Variants in SLC9A5 observed in about 807,000 individuals in gnomAD.
SLC9A5 encodes solute carrier family 9 member A5, also known as sodium/hydrogen exchanger 5.
A neutral mutation model predicts 91.7 loss-of-function variants in SLC9A5; 52 were observed. The ratio of observed to expected loss-of-function variants is 0.57; its 90% CI spans 0.45 to 0.71. The LOEUF (loss-of-function observed/expected upper bound fraction) is 0.71, where lower values mean the gene tolerates loss of function less well. Ranked by LOEUF, SLC9A5 falls within the 30% of genes least tolerant of loss-of-function variation. SLC9A5 has a pLI of 0.00. For synonymous variants in SLC9A5, 419 were observed against 474.5 expected (o/e 0.88, Z 1.52); for missense variants, 871 against 1,158.9 (o/e 0.75, Z 3.61).
chr16:67,259,525 G>A, intron 10 of SLC9A5, 48 bp from the exon 11 acceptor site: 2 of 1,393,262 alleles, frequency 1.4e-6, no homozygotes, highest in Non-Finnish European at 2.0e-6. Flanking sequence ...TGACTCCTGG[G>A]CAACCCTCCA....
chr16:67,268,682 A>ATATATG (rs2035811298), intron 15 of SLC9A5, among the ~76,000 whole-genome samples: 1 of 68,538 alleles, frequency 1.5e-5, no homozygotes, highest in Non-Finnish European at 2.6e-5. Context: ...ATATATATAT[A>ATATATG]TATATATATA....
intron 15 of SLC9A5, 87 bp downstream of exon 15, chr16:67,266,312 C>A (rs1303358934): frequency 7.6e-7 from 1 of 1,320,272 alleles, no homozygotes; most frequent in African/African-American, 1.5e-5. Flanking sequence ...AGACAACTCC[C>A]TTTTCCTATT....
rs1182622909 is a variant in SLC9A5 at position 67,265,047 on chromosome 16, G to T, written c.2021G>T (p.Gly674Val). 6.2e-7 allele frequency: 1 copy of T among 1,614,032 alleles called. No individual in the cohort carries two copies. The highest frequency in any genetic ancestry group is 1.3e-5 in the African/African-American group (1 of 74,900). The stretch of plus-strand genomic sequence containing the variant: ...TTCTTTCTTGGTCCTCAGAAGGATG[G>T]TGTGGCGAATGCTGAGGCTACAAAT... The part of the protein sequence containing the change: ...PRKTGRRKKD[G>V]VANAEATNGK... Residue 674 changes from glycine to valine, a missense_variant, in exon 14 of 16, where the codon GGT (glycine) becomes GTT (valine). This residue lies in a region of SLC9A5 where 295 missense variants were observed against 326.0 expected (regional missense o/e 0.90). Transcript: ENST00000299798.
Position 67,256,538 on chromosome 16 carries a change from T to C in SLC9A5, c.981T>C (p.Thr327=). Residue 327 remains threonine, a synonymous_variant, in exon 6 of 16, where the codon ACT becomes ACC. Transcript: ENST00000299798. The surrounding 1 kb of genome is among the most constrained non-coding windows in gnomAD (Gnocchi z 4.1). ...ACATCTCCCATAAGTCACGCACAAC[T>C]GTCAAATATACAATGAAGACTCTAG... is the stretch of plus-strand genomic sequence containing the variant. ...EANISHKSRT[T]VKYTMKTLAS... The C allele has an allele frequency of 6.2e-7, 1 of 1,614,026 alleles. No individual in the cohort carries two copies. The highest frequency in any genetic ancestry group is 8.5e-7 in the Non-Finnish European group (1 of 1,180,002).
Position 67,258,163 on chromosome 16 carries a change from ATG to A in SLC9A5, c.1497-154_1497-153del, listed in dbSNP as rs2035387479. Among the ~76,000 whole-genome samples, 1 of 152,238 alleles carries A rather than the reference ATG, an allele frequency of 6.6e-6. No individual in the cohort carries two copies. Among genetic ancestry groups the A allele is most frequent in the African/African-American group, 2.4e-5 (1 of 41,468 alleles). ...CCTTTCCCATGACATTGTAAATTCC[ATG>A]AGGGCAGGGACTAGCCTTGAGATTC... On this transcript the variant is annotated intron_variant, in intron 9 of 15. Transcript: ENST00000299798. The surrounding 1 kb of genome is among the most constrained non-coding windows in gnomAD (Gnocchi z 4.5).
At chr16:67,264,919 G>T in intron 13 of SLC9A5, 121 bp from the exon 14 acceptor site, 1 of 958,844 alleles carries the variant, frequency 1.0e-6, no homozygotes, top group East Asian at 2.5e-5. Context: ...GAACCACTGG[G>T]ACTGACATAA....
chr16:67,255,811 C>T lies in SLC9A5; in HGVS notation c.792C>T (p.Leu264=), dbSNP rs1050220907. The T allele has an allele frequency of 1.2e-6, 2 of 1,605,906 alleles. No individual in the cohort carries two copies. ...CCGTGGGCTTAGTCTTTGCCTTCCT[C>T]CTGGCCCTGACCACACGCTTCACCA... ...GAAVGLVFAF[L]LALTTRFTKR... Residue 264 remains leucine (L), a synonymous_variant, in exon 5 of 16, where the codon CTC becomes CTT. Transcript: ENST00000299798. The surrounding 1 kb of genome is among the most constrained non-coding windows in gnomAD (Gnocchi z 4.9).
At chr16:67,266,032 T>A in intron 14 of SLC9A5, 56 bp from the exon 15 acceptor site, 1 of 1,602,212 alleles carries the variant, frequency 6.2e-7, no homozygotes, top group Middle Eastern at 1.8e-4. Flanking sequence ...GGCTGTGTAG[T>A]CCCAACAGGC....
At chr16:67,259,173 C>A (rs1251418889) in intron 10 of SLC9A5, among the ~76,000 whole-genome samples, 6 of 151,382 alleles carry the variant, frequency 4.0e-5, no homozygotes, top group African/African-American at 1.5e-4. Context: ...GCAGGAGAAT[C>A]GCTTGAACCC....
chr16:67,270,885 C>T lies in SLC9A5; in HGVS notation c.2366C>T (p.Thr789Met), dbSNP rs755495387. The stretch of plus-strand genomic sequence containing the variant: ...AAGATTGTGCCTGTGGACATGCAGA[C>T]GGGTTGGAACCAGAGCATCTCATCC... ...TTKIVPVDMQ[T>M]GWNQSISSLE... The change falls in exon 16 of 16, where the codon ACG (threonine) becomes ATG (methionine). Residue 789 changes from threonine to methionine, a missense_variant. Transcript: ENST00000299798. The surrounding 1 kb of genome is among the most constrained non-coding windows in gnomAD (Gnocchi z 4.3). The T allele has an allele frequency of 3.2e-5, 51 of 1,614,022 alleles. No individual in the cohort carries two copies. The highest frequency in any genetic ancestry group is 8.3e-5 in the Admixed American group (5 of 59,988).
intron 14 of SLC9A5, 96 bp downstream of exon 14, chr16:67,265,202 A>C: frequency 1.8e-6 from 2 of 1,139,086 alleles, no homozygotes; most frequent in Admixed American, 1.9e-5. Context: ...TGTAGGGTGC[A>C]TTCAGCACCG....
chr16:67,267,439 A>G (rs749022658), intron 15 of SLC9A5, among the ~76,000 whole-genome samples: 1 of 152,160 alleles, frequency 6.6e-6, no homozygotes, highest in Non-Finnish European at 1.5e-5. Flanking sequence ...TGTGTTGCCC[A>G]GGCTGGTCTC....
rs1018276752 is a variant in SLC9A5, at chr16:67,258,589, C to T, written c.1626+142C>T. 1.8e-5 allele frequency: 17 copies of T among 957,996 alleles called. No individual in the cohort carries two copies. Among genetic ancestry groups the T allele is most frequent in the East Asian group, 2.5e-5 (1 of 39,452 alleles). 59.3% of individuals were successfully genotyped at this position (957,996 alleles called of 1,614,324 possible). On this transcript the variant is annotated intron_variant, in intron 10 of 15. Transcript: ENST00000299798. This position sits in a 1 kb window ranked among gnomAD's most constrained non-coding sequence, Gnocchi z 4.5. ...GCTCCATGGTCTGGTGAAGTGGCAG[C>T]GGCAGGAAGCAGCTGGGTCTGGTGC...
intron 12 of SLC9A5, among the ~76,000 whole-genome samples, chr16:67,260,563 G>A (rs2035499454): frequency 6.6e-6 from 1 of 152,036 alleles, no homozygotes; most frequent in African/African-American, 2.4e-5. Flanking sequence ...GAAATATTGT[G>A]GATTAGGGCT....
rs763992398 is a variant in SLC9A5 at position 67,252,668 on chromosome 16, G to T, written c.314G>T (p.Gly105Val). 30 of 1,614,168 alleles carry T rather than the reference G, an allele frequency of 1.9e-5. No homozygotes were observed. Among genetic ancestry groups the T allele is most frequent in the Non-Finnish European group, 2.1e-5 (25 of 1,180,040 alleles). Residue 105 changes from glycine (G) to valine (V), a missense_variant, in exon 2 of 16, where the codon GGC becomes GTC. By Grantham distance (109) the Gly-to-Val change is moderately radical (BLOSUM62 -3). Coordinates refer to ENST00000299798, the MANE Select transcript of SLC9A5 (RefSeq NM_004594.3). This position sits in a 1 kb window ranked among gnomAD's most constrained non-coding sequence, Gnocchi z 4.0. Reference protein sequence around the residue: ...AKKAEYQLEPGTFFLFLLPPI... With the variant: ...AKKAEYQLEPVTFFLFLLPPI... ...AAAGCTGAGTACCAGCTGGAGCCAG[G>T]CACCTTCTTCCTCTTCCTGCTGCCT...
At position 67,256,959 on chromosome 16, in the gene SLC9A5, T is replaced by G; in HGVS notation, c.1181T>G (p.Leu394Arg). 1 of 1,614,170 alleles carries G rather than the reference T, an allele frequency of 6.2e-7. No individual in the cohort carries two copies. The highest frequency in any genetic ancestry group is 8.5e-7 in the Non-Finnish European group (1 of 1,180,044). Residue 394 changes from leucine (L) to arginine (R), a missense_variant, in exon 7 of 16, where the codon CTG (leucine) becomes CGG (arginine). By Grantham distance (102) the Leu-to-Arg change is moderately radical. Transcript: ENST00000299798. This position sits in a 1 kb window ranked among gnomAD's most constrained non-coding sequence, Gnocchi z 4.1. ...WVLNQFRLVP[L>R]DKIDQVVMSY... ...CTGAATCAGTTCCGGCTAGTCCCTC[T>G]GGACAAGATTGACCAAGTGGTGATG...
rs370622609 is a variant in SLC9A5, at chr16:67,255,011, C to G, written c.491-10C>G. Reference sequence around the variant, plus strand: ...AATGACTGGCCTGTCCTACACATGTCCCTTAATAGCCCCTAGGGTGCAGGC... The same window carrying G: ...AATGACTGGCCTGTCCTACACATGTGCCTTAATAGCCCCTAGGGTGCAGGC... On this transcript the variant is annotated splice_polypyrimidine_tract_variant and intron_variant, in intron 2 of 15. Coordinates refer to ENST00000299798, the MANE Select transcript of SLC9A5 (RefSeq NM_004594.3). This position sits in a 1 kb window ranked among gnomAD's most constrained non-coding sequence, Gnocchi z 4.9. 1 of 1,612,262 alleles carries G rather than the reference C, an allele frequency of 6.2e-7. No individual in the cohort carries two copies. The highest frequency in any genetic ancestry group is 2.2e-5 in the East Asian group (1 of 44,846).
chr16:67,257,458 C>T lies in SLC9A5; in HGVS notation c.1425+24C>T, dbSNP rs1240757909. The T allele has an allele frequency of 2.5e-6, 4 of 1,613,406 alleles. No homozygotes were observed. The East Asian group carries it at 6.7e-5, about 27-fold the overall frequency. On this transcript the variant is annotated intron_variant, in intron 8 of 15. Coordinates refer to ENST00000299798, the MANE Select transcript of SLC9A5 (RefSeq NM_004594.3). This position sits in a 1 kb window ranked among gnomAD's most constrained non-coding sequence, Gnocchi z 5.1. ...ACGTGGGTATCAGAACCCCAGCCCT[C>T]GCCTGTCCCTCTCGACCTTCTCCTA...
In SLC9A5 at chr16:67,253,999, G is replaced by A. The variant is rs548860045; in HGVS notation, c.491-1022G>A. Among the ~76,000 whole-genome samples, 6 of 152,194 alleles carry A rather than the reference G, an allele frequency of 3.9e-5. No homozygotes were observed. The South Asian group carries it at 1.2e-3, about 31-fold the overall frequency. On this transcript the variant is annotated intron_variant, in intron 2 of 15. Coordinates refer to ENST00000299798, the MANE Select transcript of SLC9A5 (RefSeq NM_004594.3). ...GGGACTCTAACCTGGTTTCCCTATT[G>A]AGGTAGTGAACTATTTGGGGCAGGA... is the stretch of plus-strand genomic sequence containing the variant.
Sources: allele counts gnomAD v4.1 joint callset (sites outside exome capture counted in the v4.1 genomes callset), GRCh38; gene constraint gnomAD v4.1.1; regional missense constraint gnomAD v4.1.1; non-coding constraint Gnocchi (gnomAD v3.1); transcripts MANE v1.5; gene names NCBI Gene and HGNC (gene_info 2026-07-23, HGNC 2026-07-21).